The following IMPG1 variants were observed in gnomAD, a reference collection of about 807,000 sequenced individuals.
IMPG1 encodes interphotoreceptor matrix proteoglycan of 150 kDa.
A neutral mutation model predicts 92.0 loss-of-function variants in IMPG1; 85 were observed. The observed-to-expected ratio is 0.92, with a 90% CI of 0.78 to 1.11. The LOEUF is 1.11. Ranked by LOEUF, IMPG1 falls within the 50% of genes least tolerant of loss-of-function variation. IMPG1 has a pLI of 0.00. For synonymous variants in IMPG1, 367 were observed against 334.1 expected (o/e 1.10, Z -1.08); for missense variants, 1,022 against 956.0 (o/e 1.07, Z -0.91).
Position 76,061,838 on chromosome 6 carries a change from A to T in IMPG1, c.67+10584T>A, listed in dbSNP as rs369920581. Among the ~76,000 whole-genome samples the T allele has an allele frequency of 2.0e-5, 3 of 152,208 alleles. No individual in the cohort carries two copies. In the East Asian group the frequency reaches 5.8e-4, roughly 29 times the overall value. The stretch of plus-strand genomic sequence containing the variant: ...ACTGGTATTTCCATTATGAACCTCA[A>T]AGAAAGGAGCCTTGGTGTCTTTTTG... On this transcript the variant is annotated intron_variant, in intron 1 of 16. Transcript: ENST00000369950.
chr6:76,063,238 A>T lies in IMPG1; in HGVS notation c.67+9184T>A, dbSNP rs549277767. Among the ~76,000 whole-genome samples, 5 of 151,866 alleles carry T rather than the reference A, an allele frequency of 3.3e-5. No homozygotes were observed. The East Asian group carries it at 7.7e-4, about 23-fold the overall frequency. On this transcript the variant is annotated intron_variant, in intron 1 of 16. Transcript: ENST00000369950. ...AAATAAAATAAATAAAATGAAATAA[A>T]TTAAATTAAAATAAAATAAGAAAGA...
chr6:76,034,698 G>A lies in IMPG1; in HGVS notation c.391C>T (p.Gln131Ter), dbSNP rs1233848330. ...TCAAAGAGGCAGAAGGTCTCCTGCTGGCAGATGCTGACCCAGTCCTGATAT... is the reference window on the plus strand; with the variant it reads ...TCAAAGAGGCAGAAGGTCTCCTGCTAGCAGATGCTGACCCAGTCCTGATAT... ...GEYQDWVSIC[Q>*]QETFCLFDIG... Residue 131 changes from glutamine (Q) to a stop codon, truncating the protein, a stop_gained, in exon 3 of 17, where the codon CAG becomes TAG. Transcript: ENST00000369950. LOFTEE classifies it high-confidence loss of function. 1 of 1,614,088 alleles carries A rather than the reference G, an allele frequency of 6.2e-7. No homozygotes were observed. The highest frequency in any genetic ancestry group is 8.5e-7 in the Non-Finnish European group (1 of 1,179,980).
intron 11 of IMPG1, among the ~76,000 whole-genome samples, chr6:76,003,618 C>A (rs2149477028): frequency 6.6e-6 from 1 of 152,132 alleles, no homozygotes; most frequent in Non-Finnish European, 1.5e-5. Flanking sequence ...CATCCTGATT[C>A]TAAATGAAAC....
chr6:75,971,864 AC>A (rs2149465682), intron 12 of IMPG1, among the ~76,000 whole-genome samples: 1 of 152,298 alleles, frequency 6.6e-6, no homozygotes, highest in African/African-American at 2.4e-5. Flanking sequence ...GTGGATACTG[AC>A]CAGCTTTGTA....
At chr6:76,019,847 G>T (rs1278270797) in intron 6 of IMPG1, among the ~76,000 whole-genome samples, 1 of 152,126 alleles carries the variant, frequency 6.6e-6, no homozygotes, top group African/African-American at 2.4e-5. Flanking sequence ...AAATATTCTG[G>T]GGATATTTAA....
chr6:75,973,404 A>G (rs1782455210), intron 12 of IMPG1, among the ~76,000 whole-genome samples: 1 of 152,192 alleles, frequency 6.6e-6, no homozygotes, highest in Non-Finnish European at 1.5e-5. Context: ...TACTTTGCTC[A>G]TTCATTCATT....
Position 76,043,587 on chromosome 6 carries a change from A to G in IMPG1, c.68-1461T>C, listed in dbSNP as rs148835741. ...GCGACACACTAGACCCATAAATCATAATCTCTGTGTAGAATACGGGCATCA... is the reference window on the plus strand; with the variant it reads ...GCGACACACTAGACCCATAAATCATGATCTCTGTGTAGAATACGGGCATCA... On this transcript the variant is annotated intron_variant, in intron 1 of 16. Coordinates refer to ENST00000369950, the MANE Select transcript of IMPG1 (RefSeq NM_001563.4). Among the ~76,000 whole-genome samples, 274 of 152,334 alleles carry G rather than the reference A, an allele frequency of 1.8e-3. 1 individual carries two copies. Among genetic ancestry groups the G allele is most frequent in the African/African-American group, 6.3e-3 (261 of 41,580 alleles).
chr6:76,060,822 G>C (rs1285209483), intron 1 of IMPG1, among the ~76,000 whole-genome samples: 1 of 152,130 alleles, frequency 6.6e-6, no homozygotes, highest in Non-Finnish European at 1.5e-5. Flanking sequence ...TTACCCCTGA[G>C]TGTGATACTT....
chr6:76,001,922 C>T (rs1020210264), intron 12 of IMPG1, among the ~76,000 whole-genome samples: 1 of 152,102 alleles, frequency 6.6e-6, no homozygotes, highest in Non-Finnish European at 1.5e-5. Flanking sequence ...GCTATCATAC[C>T]ATATATGTAT....
At chr6:76,027,564 G>A (rs1783570329) in intron 4 of IMPG1, among the ~76,000 whole-genome samples, 2 of 152,214 alleles carry the variant, frequency 1.3e-5, no homozygotes, top group Admixed American at 1.3e-4. Flanking sequence ...TTAAAGGATT[G>A]TATTAAATTA....
chr6:75,934,802 G>T (rs1293898767), intron 14 of IMPG1: 2 of 310,460 alleles, frequency 6.4e-6, no homozygotes, highest in Non-Finnish European at 1.4e-5. Context: ...CCCCCTTCCC[G>T]TCCCGCCCCT....
chr6:76,043,410 A>G (rs939969960), intron 1 of IMPG1, among the ~76,000 whole-genome samples: 4 of 152,126 alleles, frequency 2.6e-5, no homozygotes, highest in African/African-American at 9.7e-5. Flanking sequence ...GTCCCTCAAT[A>G]TTGTAGAGGG....
At chr6:76,011,559 C>CT (rs1047317001) in intron 7 of IMPG1, among the ~76,000 whole-genome samples, 4 of 151,278 alleles carry the variant, frequency 2.6e-5, no homozygotes, top group Non-Finnish European at 5.9e-5. Flanking sequence ...TTGAAGGAAA[C>CT]TTTTTTATTT....
intron 4 of IMPG1, among the ~76,000 whole-genome samples, chr6:76,027,312 G>C (rs1490014642): frequency 6.6e-6 from 1 of 152,142 alleles, no homozygotes; most frequent in African/African-American, 2.4e-5. Context: ...GGTAAGGCCT[G>C]GGGACATATG....
chr6:76,069,784 C>T (rs554551236), intron 1 of IMPG1, among the ~76,000 whole-genome samples: 54 of 151,900 alleles, frequency 3.6e-4, no homozygotes, highest in South Asian at 4.1e-4. Context: ...CCATAAAATA[C>T]TTTGCAGCCA....
intron 7 of IMPG1, among the ~76,000 whole-genome samples, chr6:76,017,113 G>A (rs1043956591): frequency 9.2e-5 from 14 of 151,774 alleles, no homozygotes; most frequent in Admixed American, 6.6e-5. Flanking sequence ...CTAAATGGGG[G>A]GACAAATTGG....
chr6:76,023,945 T>C (rs1038682434), intron 5 of IMPG1, among the ~76,000 whole-genome samples: 11 of 152,164 alleles, frequency 7.2e-5, no homozygotes, highest in African/African-American at 2.7e-4. Flanking sequence ...CAAAACGTCT[T>C]TTTACATGTT....
chr6:76,024,714 T>G (rs188995145), intron 5 of IMPG1, among the ~76,000 whole-genome samples: 1 of 152,282 alleles, frequency 6.6e-6, no homozygotes, highest in African/African-American at 2.4e-5. Context: ...ATATCTTAAT[T>G]AAAACACTAT....
At chr6:76,052,702 C>A (rs1784063641) in intron 1 of IMPG1, among the ~76,000 whole-genome samples, 1 of 152,092 alleles carries the variant, frequency 6.6e-6, no homozygotes. Context: ...AATACATAAA[C>A]AAAATCAACA....
Sources: allele counts gnomAD v4.1 joint callset (sites outside exome capture counted in the v4.1 genomes callset), GRCh38; gene constraint gnomAD v4.1.1; transcripts MANE v1.5; gene names NCBI Gene and HGNC (gene_info 2026-07-23, HGNC 2026-07-21).